Variants in PIEZO2 observed in about 807,000 individuals in gnomAD.
The protein encoded by PIEZO2 is piezo type mechanosensitive ion channel component 2.
PIEZO2 carries 172 observed loss-of-function variants against 337.3 expected under a neutral mutation model. The observed-to-expected ratio is 0.51, with a 90% CI of 0.45 to 0.58. The LOEUF (loss-of-function observed/expected upper bound fraction) is 0.58. Ranked by LOEUF, PIEZO2 falls within the 20% of genes least tolerant of loss-of-function variation. The pLI is 0.00. For missense variants in PIEZO2, 3,028 were observed against 3,391.3 expected, an observed-to-expected ratio of 0.89 and a Z score of 2.66; for synonymous variants, 1,251 against 1,228.5, an observed-to-expected ratio of 1.02 and a Z score of -0.38.
At chr18:10,964,984 CTTCA>C (rs2033937383) in intron 3 of PIEZO2, among the ~76,000 whole-genome samples, 1 of 152,084 alleles carries the variant, frequency 6.6e-6, no homozygotes, top group African/African-American at 2.4e-5. Flanking sequence ...ACATATATAA[CTTCA>C]TTCATCCTTT....
Position 10,750,219 on chromosome 18 carries a change from G to A in PIEZO2, c.4168-32C>T. On this transcript the variant is annotated intron_variant, in intron 28 of 55. Coordinates refer to ENST00000674853, the MANE Select transcript of PIEZO2 (RefSeq NM_001378183.1). The surrounding 1 kb of genome is among the most constrained non-coding windows in gnomAD (Gnocchi z 4.1). ...AACAAAAGAGGGGGATAATCCTGAA[G>A]CTCTGCAGCCAGAAAAAAAAGTGGT... 1 of 1,469,908 alleles carries A rather than the reference G, an allele frequency of 6.8e-7. No individual in the cohort carries two copies. The highest frequency in any genetic ancestry group is 9.2e-7 in the Non-Finnish European group (1 of 1,085,584). 91.1% of individuals were successfully genotyped at this position (1,469,908 alleles called of 1,614,324 possible). A position where few individuals can be genotyped will look rare whatever the true frequency, so the allele number is the denominator to read the frequency against.
chr18:11,004,636 G>A (rs1337231879), intron 2 of PIEZO2, among the ~76,000 whole-genome samples: 1 of 152,190 alleles, frequency 6.6e-6, no homozygotes, highest in African/African-American at 2.4e-5. Flanking sequence ...TGATGAAGCT[G>A]TCAAAATCAG....
Position 10,940,339 on chromosome 18 carries a change from G to A in PIEZO2, c.287-29111C>T, listed in dbSNP as rs1302781840. On this transcript the variant is annotated intron_variant, in intron 3 of 55. Transcript: ENST00000674853. This position sits in a 1 kb window ranked among gnomAD's most constrained non-coding sequence, Gnocchi z 5.3. Reference sequence around the variant, plus strand: ...GATTAGCACCTTTTAGTTAAGTACAGTGATTCTGTAAAAGTACTGGGTCTA... The same window carrying A: ...GATTAGCACCTTTTAGTTAAGTACAATGATTCTGTAAAAGTACTGGGTCTA... Among the ~76,000 whole-genome samples, 1 of 152,190 alleles carries A rather than the reference G, an allele frequency of 6.6e-6. No homozygotes were observed. The highest frequency in any genetic ancestry group is 1.9e-4 in the East Asian group (1 of 5,196).
rs948235963 is a variant in PIEZO2, at chr18:11,078,826, C to T, written c.65-12604G>A. Among the ~76,000 whole-genome samples the T allele has an allele frequency of 3.3e-5, 5 of 152,220 alleles. No homozygotes were observed. The highest frequency in any genetic ancestry group is 1.2e-4 in the African/African-American group (5 of 41,454). On this transcript the variant is annotated intron_variant, in intron 1 of 55. Coordinates refer to ENST00000674853, the MANE Select transcript of PIEZO2 (RefSeq NM_001378183.1). The surrounding 1 kb of genome is among the most constrained non-coding windows in gnomAD (Gnocchi z 5.3). ...TACCTACTCAGAGTATTTGGCCTTA[C>T]ATTTCATCGAATCACAGAGTCTGTG...
chr18:11,044,347 C>T (rs371032216), intron 2 of PIEZO2, among the ~76,000 whole-genome samples: 7 of 152,002 alleles, frequency 4.6e-5, no homozygotes, highest in East Asian at 1.9e-4. Flanking sequence ...CTTTCACACC[C>T]GCTTCTTTGC....
Position 10,858,338 on chromosome 18 carries a change from A to AC in PIEZO2, c.493-1128_493-1127insG, listed in dbSNP as rs1568136354. Among the ~76,000 whole-genome samples, 40 of 148,508 alleles carry AC rather than the reference A, an allele frequency of 2.7e-4. 2 individuals carry two copies. Among genetic ancestry groups the AC allele is most frequent in the African/African-American group, 6.8e-4 (27 of 39,594 alleles). On this transcript the variant is annotated intron_variant, in intron 5 of 55. Transcript: ENST00000674853. Reference sequence around the variant, plus strand: ...CTTCAACCCAAAAAAAAAAAAAAAAAAAAAAAAAAGAAAAGAAAAGAAGAA... The same window carrying AC: ...CTTCAACCCAAAAAAAAAAAAAAAAACAAAAAAAAAGAAAAGAAAAGAAGAA...
rs1242880428 is a variant in PIEZO2 at position 10,813,987 on chromosome 18, A to G, written c.918-6713T>C. 1.7e-4 allele frequency among the ~76,000 whole-genome samples: 25 copies of G among 145,510 alleles called. No homozygotes were observed. The East Asian group carries it at 4.8e-3, about 28-fold the overall frequency. ...ACACCATATATTTTTTTTTTTTTTG[A>G]GATGGAGTTTTGCTCTGTGGCCCAG... is the stretch of plus-strand genomic sequence containing the variant. On this transcript the variant is annotated intron_variant, in intron 7 of 55. Transcript: ENST00000674853. This position sits in a 1 kb window ranked among gnomAD's most constrained non-coding sequence, Gnocchi z 4.2.
chr18:10,981,646 C>T (rs748689957), intron 2 of PIEZO2, among the ~76,000 whole-genome samples: 2 of 152,088 alleles, frequency 1.3e-5, no homozygotes, highest in African/African-American at 4.8e-5. Context: ...TGTTCCTGAG[C>T]GTGTCTGTGA....
rs532053481 is a variant in PIEZO2 at position 11,031,678 on chromosome 18, G to A, written c.160+34449C>T. 2.3e-4 allele frequency among the ~76,000 whole-genome samples: 35 copies of A among 152,140 alleles called. No homozygotes were observed. Among genetic ancestry groups the A allele is most frequent in the African/African-American group, 8.4e-4 (35 of 41,508 alleles). ...TGCTAGCATTCCAGGGCAGCATTCC[G>A]GAGGCTTCCAGAGGAGCCAGATATA... On this transcript the variant is annotated intron_variant, in intron 2 of 55. Coordinates refer to ENST00000674853, the MANE Select transcript of PIEZO2 (RefSeq NM_001378183.1). This position sits in a 1 kb window ranked among gnomAD's most constrained non-coding sequence, Gnocchi z 4.7.
chr18:10,907,515 C>T (rs2030063513), intron 4 of PIEZO2, among the ~76,000 whole-genome samples: 1 of 152,076 alleles, frequency 6.6e-6, no homozygotes, highest in Admixed American at 6.6e-5. Context: ...TGCAGCCTAC[C>T]AATGACACAC....
intron 1 of PIEZO2, among the ~76,000 whole-genome samples, chr18:11,091,240 C>T (rs1267729639): frequency 4.0e-5 from 6 of 151,572 alleles, no homozygotes; most frequent in African/African-American, 1.2e-4. Context: ...AAAAATTAGC[C>T]GTGCATGGTG....
rs751270298 is a variant in PIEZO2 at position 11,003,258 on chromosome 18, GTTTGT to G, written c.161-23603_161-23599del. ...TAGGATGTGTTTTCTTTTGTTGTTT[GTTTGT>G]TTTGTTTTGTTTTGTTTTGCCAATT... On this transcript the variant is annotated intron_variant, in intron 2 of 55. Transcript: ENST00000674853. The surrounding 1 kb of genome is among the most constrained non-coding windows in gnomAD (Gnocchi z 4.6). Among the ~76,000 whole-genome samples the G allele has an allele frequency of 9.4e-4, 143 of 151,892 alleles. No homozygotes were observed. Among genetic ancestry groups the G allele is most frequent in the Middle Eastern group, 3.4e-3 (1 of 294 alleles).
Position 10,682,554 on chromosome 18 carries a change from C to G in PIEZO2, c.7498-262G>C, listed in dbSNP as rs964134239. Among the ~76,000 whole-genome samples the G allele has an allele frequency of 6.6e-6, 1 of 152,188 alleles. No individual in the cohort carries two copies. The highest frequency in any genetic ancestry group is 1.5e-5 in the Non-Finnish European group (1 of 68,028). ...GGGCCAACAGGACTTAAGCGGCCTT[C>G]TCCCTTCAAGACTGTGGGTGGGTTT... On this transcript the variant is annotated intron_variant, in intron 49 of 55. Coordinates refer to ENST00000674853, the MANE Select transcript of PIEZO2 (RefSeq NM_001378183.1). This position sits in a 1 kb window ranked among gnomAD's most constrained non-coding sequence, Gnocchi z 5.6.
intron 10 of PIEZO2, among the ~76,000 whole-genome samples, chr18:10,800,815 C>T (rs1194696360): frequency 1.3e-5 from 2 of 152,244 alleles, no homozygotes; most frequent in Admixed American, 6.5e-5. Flanking sequence ...CCAGCCTCAG[C>T]CTTTGCTACT....
chr18:10,987,568 A>G (rs1009455861), intron 2 of PIEZO2, among the ~76,000 whole-genome samples: 9 of 151,950 alleles, frequency 5.9e-5, no homozygotes, highest in African/African-American at 2.2e-4. Context: ...CTCAAAATGT[A>G]TTAAAAATAT....
intron 2 of PIEZO2, among the ~76,000 whole-genome samples, chr18:10,984,668 C>T (rs2034799203): frequency 6.6e-6 from 1 of 152,010 alleles, no homozygotes; most frequent in African/African-American, 2.4e-5. Context: ...GGGAAGAAAG[C>T]TTTCTTAATG....
chr18:10,750,770 A>G lies in PIEZO2; in HGVS notation c.4168-583T>C, dbSNP rs2037616564. 1.3e-5 allele frequency among the ~76,000 whole-genome samples: 2 copies of G among 152,270 alleles called. No homozygotes were observed. Among genetic ancestry groups the G allele is most frequent in the Non-Finnish European group, 2.9e-5 (2 of 68,044 alleles). Reference sequence around the variant, plus strand: ...TCCTGAGTTGGAAAATGTTTAAACAAGTATGAATCATTGCAAGCAAATACA... The same window carrying G: ...TCCTGAGTTGGAAAATGTTTAAACAGGTATGAATCATTGCAAGCAAATACA... On this transcript the variant is annotated intron_variant, in intron 28 of 55. Coordinates refer to ENST00000674853, the MANE Select transcript of PIEZO2 (RefSeq NM_001378183.1). This position sits in a 1 kb window ranked among gnomAD's most constrained non-coding sequence, Gnocchi z 4.1.
intron 3 of PIEZO2, among the ~76,000 whole-genome samples, chr18:10,921,803 TAC>T (rs2031426896): frequency 6.6e-6 from 1 of 152,152 alleles, no homozygotes; most frequent in Admixed American, 6.5e-5. Context: ...AGAAAGAGAA[TAC>T]TCGCCTGAGG....
At position 10,691,252 on chromosome 18, in the gene PIEZO2, T is replaced by C. The variant is rs2034811573; in HGVS notation, c.7322A>G (p.Asn2441Ser). Residue 2441 changes from asparagine (N) to serine (S), a missense_variant, in exon 48 of 56, where the codon AAT becomes AGT. Physicochemically the swap from Asn to Ser is conservative, Grantham distance 46. This residue lies in a region of PIEZO2 where 179 missense variants were observed against 281.8 expected (regional missense o/e 0.64). Transcript: ENST00000674853. ...VLGNFLTKSYNYVNLFLFQGF... is the reference protein window; with the variant it reads ...VLGNFLTKSYSYVNLFLFQGF... ...TTGGAATAAGAAGAGGTTGACGTAATTGTAGCTCTTGGTGAGGAAGTTCCC... is the reference window on the plus strand; with the variant it reads ...TTGGAATAAGAAGAGGTTGACGTAACTGTAGCTCTTGGTGAGGAAGTTCCC... The C allele has an allele frequency of 1.9e-6, 3 of 1,613,854 alleles. No homozygotes were observed. Among genetic ancestry groups the C allele is most frequent in the Non-Finnish European group, 2.5e-6 (3 of 1,179,990 alleles).
Sources: gnomAD v4.1 joint callset for allele counts (sites outside exome capture counted in the v4.1 genomes callset) on GRCh38, gnomAD v4.1.1 for gene constraint, gnomAD v4.1.1 regional missense constraint, Gnocchi (gnomAD v3.1) non-coding constraint, MANE v1.5 for transcripts, NCBI Gene and HGNC (gene_info 2026-07-23, HGNC 2026-07-21) for gene names.